Variants in RGS22 observed in about 807,000 individuals in gnomAD.
RGS22 encodes regulator of G-protein signaling 22.
In RGS22, 148 loss-of-function variants were observed where a neutral mutation model predicts 172.9. That is an observed-to-expected ratio of 0.86 (90% CI 0.75 to 0.98). The LOEUF is 0.98. Ranked by LOEUF, RGS22 falls within the 50% of genes least tolerant of loss-of-function variation. The pLI is 0.00. For missense variants in RGS22, 1,347 were observed against 1,440.8 expected (o/e 0.93, Z 1.05); for synonymous variants, 458 against 480.2 (o/e 0.95, Z 0.60).
At chr8:99,987,678 T>G in intron 20 of RGS22, 59 bp from the exon 21 acceptor site, 1 of 1,317,806 alleles carries the variant, frequency 7.6e-7, no homozygotes, top group Non-Finnish European at 1.0e-6. Flanking sequence ...AATTACCAAC[T>G]TCTATCTCCT....
intron 2 of RGS22, among the ~76,000 whole-genome samples, chr8:100,093,962 GA>G (rs1812778042): frequency 6.6e-6 from 1 of 152,160 alleles, no homozygotes; most frequent in Admixed American, 6.5e-5. Flanking sequence ...ATTGCCCAAT[GA>G]AAATGATAAA....
intron 16 of RGS22, 104 bp from the exon 17 acceptor site, chr8:100,004,202 A>G (rs1815425721): frequency 7.4e-7 from 1 of 1,358,994 alleles, no homozygotes; most frequent in East Asian, 2.6e-5. Flanking sequence ...GGCCAAAGCC[A>G]TTTAATAATT....
chr8:99,979,501 A>G (rs1348791957), intron 22 of RGS22, among the ~76,000 whole-genome samples: 1 of 152,174 alleles, frequency 6.6e-6, no homozygotes, highest in Non-Finnish European at 1.5e-5. Flanking sequence ...GAGCTACTTT[A>G]CTCACTGCCA....
intron 10 of RGS22, among the ~76,000 whole-genome samples, chr8:100,047,971 G>T (rs890615524): frequency 1.4e-5 from 2 of 147,096 alleles, no homozygotes; most frequent in Non-Finnish European, 3.0e-5. Flanking sequence ...CTGGGGGGGG[G>T]TGCGGGTGTC....
rs377319655 is a variant in RGS22, at chr8:100,008,527, T to C, written c.2209A>G (p.Ile737Val). 5.0e-6 allele frequency: 8 copies of C among 1,611,542 alleles called. No homozygotes were observed. The East Asian group carries it at 1.1e-4, about 22-fold the overall frequency. ...TYVAPSATLD[I>V]GLQQEKKKEI... is the part of the protein sequence containing the mutation. The stretch of plus-strand genomic sequence containing the variant: ...TTTTTCTTTTCCTGTTGGAGTCCAA[T>C]GTCAAGAGTGGCAGAAGGAGCAACG... Residue 737 changes from isoleucine (I) to valine (V), a missense_variant, in exon 15 of 28, where the codon ATT (isoleucine) becomes GTT (valine). Coordinates refer to ENST00000360863, the MANE Select transcript of RGS22 (RefSeq NM_015668.5).
chr8:100,081,382 A>ATATATATT (rs1038950560), intron 3 of RGS22, among the ~76,000 whole-genome samples: 2 of 148,226 alleles, frequency 1.3e-5, no homozygotes, highest in Non-Finnish European at 3.0e-5. Context: ...ATATATATAT[A>ATATATATT]TTTAAATTTT....
At chr8:100,090,400 G>A (rs1812486375) in intron 3 of RGS22, among the ~76,000 whole-genome samples, 1 of 149,302 alleles carries the variant, frequency 6.7e-6, no homozygotes. Flanking sequence ...GAGTATGCAG[G>A]ATGGCAAAAG....
rs1812174110 is a variant in RGS22, at chr8:99,978,055, C to G, written c.3381G>C (p.Leu1127=). 1 of 1,517,260 alleles carries G rather than the reference C, an allele frequency of 6.6e-7. No individual in the cohort carries two copies. Among genetic ancestry groups the G allele is most frequent in the East Asian group, 2.5e-5 (1 of 39,992 alleles). 94.0% of individuals were successfully genotyped at this position (1,517,260 alleles called of 1,614,324 possible). Residue 1127 remains leucine (L), a synonymous_variant, in exon 23 of 28, where the codon CTG becomes CTC. Coordinates refer to ENST00000360863, the MANE Select transcript of RGS22 (RefSeq NM_015668.5). Reference sequence around the variant, plus strand: ...CACAGAACTGAGGCCAGAATTTAAACAGAACCCCAAAAATTGTCATCTGTA... The same window carrying G: ...CACAGAACTGAGGCCAGAATTTAAAGAGAACCCCAAAAATTGTCATCTGTA... The part of the protein sequence containing the change: ...REAQMTIFGV[L]FKFWPQFCEF...
At chr8:100,046,984 T>C (rs1353170567) in intron 11 of RGS22, among the ~76,000 whole-genome samples, 2 of 151,990 alleles carry the variant, frequency 1.3e-5, no homozygotes, top group Non-Finnish European at 2.9e-5. Context: ...TCGGCTAATT[T>C]TTTAAAACTT....
rs1399615021 is a variant in RGS22, at chr8:100,051,713, A to G, written c.1689+1089T>C. ...TATATTTATATATACGTATATATAA[A>G]TATATATTTATATATACGTATATAT... On this transcript the variant is annotated intron_variant, in intron 10 of 27. Coordinates refer to ENST00000360863, the MANE Select transcript of RGS22 (RefSeq NM_015668.5). 8.3e-4 allele frequency among the ~76,000 whole-genome samples: 32 copies of G among 38,754 alleles called. 9 individuals carry two copies. Among genetic ancestry groups the G allele is most frequent in the African/African-American group, 4.0e-3 (15 of 3,714 alleles). 25.4% of individuals were successfully genotyped at this position (38,754 alleles called of 152,430 possible).
At position 100,106,049 on chromosome 8, in the gene RGS22, T is replaced by A. The variant is rs964318916; in HGVS notation, c.-128A>T. The A allele has an allele frequency of 5.2e-6, 6 of 1,161,032 alleles. No individual in the cohort carries two copies. In the East Asian group the frequency reaches 1.6e-4, roughly 32 times the overall value. 71.9% of individuals were successfully genotyped at this position (1,161,032 alleles called of 1,614,324 possible). A position where few individuals can be genotyped will look rare whatever the true frequency, so the allele number is the denominator to read the frequency against. On this transcript the variant is annotated 5_prime_UTR_variant, in exon 1 of 28. Coordinates refer to ENST00000360863, the MANE Select transcript of RGS22 (RefSeq NM_015668.5). The stretch of plus-strand genomic sequence containing the variant: ...GGCTCCGGAGCTACGCTGGCTAGCG[T>A]GGCCGGCGCCGCGCCGGGGTTGCTA...
At chr8:100,001,933 G>A (rs1434102684) in intron 18 of RGS22, among the ~76,000 whole-genome samples, 1 of 152,142 alleles carries the variant, frequency 6.6e-6, no homozygotes, top group Non-Finnish European at 1.5e-5. Context: ...CAAATTTATT[G>A]AATGAGTCAA....
chr8:100,063,693 A>C lies in RGS22; in HGVS notation c.1075T>G (p.Ser359Ala), dbSNP rs371403021. ...TKVSFDDCFE[S>A]IHGKNFLSEL... The stretch of plus-strand genomic sequence containing the variant: ...CTTAAAAAATTCTTGCCATGAATAG[A>C]CTCAAAACAATCATCAAATGACACT... Residue 359 changes from serine to alanine, a missense_variant, in exon 8 of 28, where the codon TCT (serine) becomes GCT (alanine). By Grantham distance (99) the Ser-to-Ala change is moderately conservative (BLOSUM62 1). Transcript: ENST00000360863. 3 of 1,614,032 alleles carry C rather than the reference A, an allele frequency of 1.9e-6. No individual in the cohort carries two copies. Among genetic ancestry groups the C allele is most frequent in the Non-Finnish European group, 2.5e-6 (3 of 1,179,956 alleles).
intron 15 of RGS22, among the ~76,000 whole-genome samples, chr8:100,006,882 C>G (rs1337941401): frequency 6.6e-6 from 1 of 151,968 alleles, no homozygotes; most frequent in Non-Finnish European, 1.5e-5. Flanking sequence ...AGAATCATGA[C>G]TAATGCCGAA....
chr8:100,016,677 T>C (rs1244382936), intron 14 of RGS22, among the ~76,000 whole-genome samples: 1 of 152,024 alleles, frequency 6.6e-6, no homozygotes, highest in Non-Finnish European at 1.5e-5. Flanking sequence ...CTCAGGAGGC[T>C]GAGGTAGGAG....
intron 3 of RGS22, among the ~76,000 whole-genome samples, chr8:100,089,281 A>C (rs1488556239): frequency 6.6e-6 from 1 of 151,948 alleles, no homozygotes; most frequent in Non-Finnish European, 1.5e-5. Context: ...GAATACCTCC[A>C]AGTTTACTCC....
chr8:100,073,442 CA>C (rs1021313792), intron 4 of RGS22, among the ~76,000 whole-genome samples: 1 of 140,982 alleles, frequency 7.1e-6, no homozygotes, highest in African/African-American at 2.6e-5. Context: ...AAAAAAAAAA[CA>C]AAAAAAACAT....
intron 14 of RGS22, among the ~76,000 whole-genome samples, chr8:100,017,105 C>A (rs1237924837): frequency 6.8e-6 from 1 of 146,500 alleles, no homozygotes; most frequent in Non-Finnish European, 1.5e-5. Flanking sequence ...TCAAGCAATC[C>A]TCTTGTCAAC....
chr8:100,008,650 T>C, intron 14 of RGS22, 81 bp from the exon 15 acceptor site: 1 of 1,101,544 alleles, frequency 9.1e-7, no homozygotes, highest in Non-Finnish European at 1.3e-6. Context: ...AGGCATTTTT[T>C]AAAAACTAAG....
Sources: gnomAD v4.1 joint callset for allele counts (sites outside exome capture counted in the v4.1 genomes callset) on GRCh38, gnomAD v4.1.1 for gene constraint, MANE v1.5 for transcripts, NCBI Gene and HGNC (gene_info 2026-07-23, HGNC 2026-07-21) for gene names.